Variants in C8orf34 observed in about 807,000 individuals in gnomAD.
C8orf34 encodes the protein chromosome 8 open reading frame 34, also known as uncharacterized protein C8orf34.
In C8orf34, 65 loss-of-function variants were observed where a neutral mutation model predicts 68.3. The ratio of observed to expected loss-of-function variants is 0.95; its 90% confidence interval spans 0.78 to 1.17. C8orf34 has a LOEUF of 1.17. Among genes scored for constraint, C8orf34 ranks in the 50% most tolerant of loss-of-function variants. C8orf34 has a pLI of 0.00. For missense variants in C8orf34, 664 were observed against 655.4 expected (o/e 1.01, Z -0.14); for synonymous variants, 244 against 241.2 (o/e 1.01, Z -0.11).
intron 1 of C8orf34, among the ~76,000 whole-genome samples, chr8:68,417,924 G>A (rs1809750780): frequency 6.6e-6 from 1 of 151,622 alleles, no homozygotes; most frequent in Non-Finnish European, 1.5e-5. Flanking sequence ...TCCTACCCAT[G>A]AGCATGGAAT....
intron 1 of C8orf34, among the ~76,000 whole-genome samples, chr8:68,433,877 T>C (rs1460288077): frequency 1.3e-5 from 2 of 152,220 alleles, no homozygotes; most frequent in Non-Finnish European, 2.9e-5. Flanking sequence ...TTTTATCTAA[T>C]GAAAATTAAC....
At chr8:68,600,475 T>G (rs563292597) in intron 7 of C8orf34, among the ~76,000 whole-genome samples, 56 of 152,272 alleles carry the variant, frequency 3.7e-4, no homozygotes, top group Non-Finnish European at 1.0e-4. Context: ...ACTTCCTGTT[T>G]TAATAAATCT....
At chr8:68,381,015 T>C (rs1327816642) in intron 1 of C8orf34, among the ~76,000 whole-genome samples, 1 of 152,138 alleles carries the variant, frequency 6.6e-6, no homozygotes, top group East Asian at 1.9e-4. Context: ...AGCTTTGAGG[T>C]GACAGAATTT....
At chr8:68,610,742 C>T (rs571795852) in intron 7 of C8orf34, among the ~76,000 whole-genome samples, 1 of 151,554 alleles carries the variant, frequency 6.6e-6, no homozygotes, top group South Asian at 2.1e-4. Context: ...GTAAAAGTAA[C>T]TAATGAGGGA....
chr8:68,817,085 AG>A, intron 13 of C8orf34, among the ~76,000 whole-genome samples: 2 of 152,332 alleles, frequency 1.3e-5, no homozygotes. Context: ...ATAATGGATC[AG>A]GAACTACTGT....
chr8:68,590,723 A>G (rs1209316723), intron 7 of C8orf34, among the ~76,000 whole-genome samples: 1 of 152,202 alleles, frequency 6.6e-6, no homozygotes, highest in Non-Finnish European at 1.5e-5. Flanking sequence ...CCTCTAGGAG[A>G]CGCACAGCGT....
intron 7 of C8orf34, among the ~76,000 whole-genome samples, chr8:68,637,440 A>T (rs962559834): frequency 6.6e-6 from 1 of 152,016 alleles, no homozygotes; most frequent in Admixed American, 6.6e-5. Context: ...TACCAGTAAG[A>T]TTTCTAATGC....
chr8:68,471,468 A>G (rs1812374290), intron 4 of C8orf34, among the ~76,000 whole-genome samples: 1 of 152,170 alleles, frequency 6.6e-6, no homozygotes, highest in African/African-American at 2.4e-5. Flanking sequence ...TTATCAGTCT[A>G]GTTGCCCAGA....
At chr8:68,810,499 CCTTCTCTCTTCTCTA>C (rs1288119941) in intron 12 of C8orf34, among the ~76,000 whole-genome samples, 1 of 152,200 alleles carries the variant, frequency 6.6e-6, no homozygotes, top group Non-Finnish European at 1.5e-5. Context: ...GCTCTTCTCT[CCTTCTCTCTTCTCTA>C]CTTCTCGTAG....
intron 3 of C8orf34, among the ~76,000 whole-genome samples, chr8:68,465,089 C>G (rs1812049789): frequency 6.7e-6 from 1 of 149,822 alleles, no homozygotes; most frequent in African/African-American, 2.4e-5. Context: ...ACAATGAACT[C>G]AAACAAATTT....
intron 3 of C8orf34, among the ~76,000 whole-genome samples, chr8:68,465,345 T>G (rs9721251): frequency 0.5 from 71,347 of 142,610 alleles, 17,918 homozygotes; most frequent in East Asian, 0.66. Flanking sequence ...ACTTTTACAC[T>G]GTTGGTGGGA....
At chr8:68,770,752 C>G (rs188302805) in intron 10 of C8orf34, among the ~76,000 whole-genome samples, 3,102 of 152,148 alleles carry the variant, frequency 0.02, 56 homozygotes, top group South Asian at 0.054. Flanking sequence ...TGTTTTAAGT[C>G]ATTTAAAATT....
chr8:68,686,894 G>T (rs969914487), intron 8 of C8orf34, among the ~76,000 whole-genome samples: 1 of 152,044 alleles, frequency 6.6e-6, no homozygotes, highest in African/African-American at 2.4e-5. Flanking sequence ...TCATCCAAAA[G>T]ACTTCTAGAT....
intron 12 of C8orf34, among the ~76,000 whole-genome samples, chr8:68,794,482 A>T (rs867527852): frequency 0.03 from 2,670 of 88,152 alleles, 161 homozygotes; most frequent in African/African-American, 0.1. Flanking sequence ...TATAAATATA[A>T]ATATATATAT....
At chr8:68,383,423 G>A (rs1387304867) in intron 1 of C8orf34, among the ~76,000 whole-genome samples, 1 of 152,104 alleles carries the variant, frequency 6.6e-6, no homozygotes, top group Non-Finnish European at 1.5e-5. Flanking sequence ...TGCTTGTTCA[G>A]ACAATTTCCC....
intron 7 of C8orf34, among the ~76,000 whole-genome samples, chr8:68,633,357 A>G (rs1344382654): frequency 6.6e-6 from 1 of 152,160 alleles, no homozygotes; most frequent in Non-Finnish European, 1.5e-5. Context: ...TTGCTTTCTT[A>G]TGTATTTCTT....
At chr8:68,745,119 A>C (rs1461293312) in intron 10 of C8orf34, among the ~76,000 whole-genome samples, 2 of 152,184 alleles carry the variant, frequency 1.3e-5, no homozygotes, top group Non-Finnish European at 2.9e-5. Context: ...CCAGAATTTC[A>C]TATCCAGCCA....
intron 8 of C8orf34, among the ~76,000 whole-genome samples, chr8:68,653,637 T>C (rs971803650): frequency 6.6e-5 from 10 of 152,150 alleles, no homozygotes; most frequent in African/African-American, 2.2e-4. Flanking sequence ...TCTTTGTGTA[T>C]CCTCACATGG....
chr8:68,772,853 C>CTCCTTCCTTCCTTCTTTCCTTCCT (rs1393753663), intron 10 of C8orf34, among the ~76,000 whole-genome samples: 1 of 141,586 alleles, frequency 7.1e-6, no homozygotes, highest in Admixed American at 7.5e-5. Context: ...CTCTCTTTCT[C>CTCCTTCCTTCCTTCTTTCCTTCCT]TCCTTCCTTC....
Sources: allele counts gnomAD v4.1 joint callset (sites outside exome capture counted in the v4.1 genomes callset), GRCh38; gene constraint gnomAD v4.1.1; transcripts MANE v1.5; gene names NCBI Gene and HGNC (gene_info 2026-07-23, HGNC 2026-07-21).